GALK2: variants seen among roughly 807,000 people sequenced by gnomAD.
GALK2 encodes galactokinase 2, also known as N-acetylgalactosamine kinase.
In GALK2, 36 loss-of-function variants were observed where a neutral mutation model predicts 52.4. The observed-to-expected ratio is 0.69, with a 90% CI of 0.53 to 0.91. GALK2 has a LOEUF of 0.91. GALK2 is among the 40% of genes least tolerant of loss of function. The pLI is 0.00. For synonymous variants in GALK2, 176 were observed against 199.1 expected, an observed-to-expected ratio of 0.88 and a Z score of 0.98; for missense variants, 579 against 559.1, an observed-to-expected ratio of 1.04 and a Z score of -0.36.
intron 1 of GALK2, among the ~76,000 whole-genome samples, chr15:49,197,270 T>C (rs1418651988): frequency 1.3e-5 from 2 of 152,260 alleles, no homozygotes; most frequent in Non-Finnish European, 2.9e-5. Context: ...GTGTCTAGTA[T>C]TCAGCATAAT....
intron 3 of GALK2, among the ~76,000 whole-genome samples, chr15:49,348,820 C>T (rs750173373): frequency 3.3e-5 from 5 of 152,178 alleles, no homozygotes; most frequent in African/African-American, 4.8e-5. Flanking sequence ...TTTACCCCAG[C>T]CTTTGATATT....
chr15:49,182,767 C>T (rs1268020910), intron 1 of GALK2, among the ~76,000 whole-genome samples: 1 of 152,044 alleles, frequency 6.6e-6, no homozygotes, highest in Non-Finnish European at 1.5e-5. Flanking sequence ...TTTCATATAC[C>T]TGTTTGCCAT....
intron 5 of GALK2, among the ~76,000 whole-genome samples, chr15:49,270,550 GAGCAC>G (rs1263240101): frequency 6.6e-6 from 1 of 152,116 alleles, no homozygotes; most frequent in Non-Finnish European, 1.5e-5. Flanking sequence ...CATAACATTT[GAGCAC>G]AGTGCAGTAA....
chr15:49,346,415 A>G (rs899811460), intron 3 of GALK2, among the ~76,000 whole-genome samples: 1 of 152,036 alleles, frequency 6.6e-6, no homozygotes, highest in Non-Finnish European at 1.5e-5. Context: ...ACCTTTCCCC[A>G]CACCTAAGGC....
intron 1 of GALK2, among the ~76,000 whole-genome samples, chr15:49,176,365 T>A (rs2085457358): frequency 6.6e-6 from 1 of 152,248 alleles, no homozygotes; most frequent in Non-Finnish European, 1.5e-5. Flanking sequence ...CACTAGTAAC[T>A]ACTGCTAATC....
intron 3 of GALK2, among the ~76,000 whole-genome samples, chr15:49,346,020 C>T (rs1030246096): frequency 5.3e-5 from 8 of 151,544 alleles, no homozygotes; most frequent in African/African-American, 1.9e-4. Context: ...GGTCTGCCTG[C>T]CCTGCTTGCT....
intron 3 of GALK2, among the ~76,000 whole-genome samples, chr15:49,362,038 T>G (rs940216075): frequency 1.3e-5 from 2 of 152,216 alleles, no homozygotes; most frequent in African/African-American, 4.8e-5. Flanking sequence ...GTTACGTGTA[T>G]GTCTTCTTTT....
chr15:49,261,131 G>A (rs991431386), intron 5 of GALK2, among the ~76,000 whole-genome samples: 1 of 149,594 alleles, frequency 6.7e-6, no homozygotes, highest in African/African-American at 2.5e-5. Flanking sequence ...GATGGGGATG[G>A]CATTGAATCT....
intron 3 of GALK2, chr15:49,366,134 G>T: frequency 1.0e-6 from 1 of 982,118 alleles, no homozygotes. Flanking sequence ...TCCACCTAAT[G>T]CCACAGTGAA....
chr15:49,273,633 G>A (rs2031139164), intron 5 of GALK2, among the ~76,000 whole-genome samples: 1 of 151,380 alleles, frequency 6.6e-6, no homozygotes, highest in South Asian at 2.1e-4. Context: ...AACAAAGCAA[G>A]TCTGCTTCAG....
intron 9 of GALK2, among the ~76,000 whole-genome samples, chr15:49,326,302 G>T (rs986816516): frequency 1.6e-5 from 2 of 126,566 alleles, no homozygotes; most frequent in African/African-American, 6.0e-5. Flanking sequence ...ACTGTGTCAC[G>T]CAGGCTGGAG....
At chr15:49,351,432 C>T (rs12232354) in intron 3 of GALK2, among the ~76,000 whole-genome samples, 6,146 of 152,208 alleles carry the variant, frequency 0.04, 224 homozygotes, top group East Asian at 0.17. Flanking sequence ...TACCATAGGA[C>T]AATGTTGATT....
intron 3 of GALK2, chr15:49,225,441 C>A (rs2090076323): frequency 3.0e-6 from 1 of 332,860 alleles, no homozygotes; most frequent in African/African-American, 2.2e-5. Flanking sequence ...AGCATGAACC[C>A]TATTGTGGAC....
In GALK2 at chr15:49,162,832, A is replaced by G. The variant is rs1336328942; in HGVS notation, c.20+6816A>G. Among the ~76,000 whole-genome samples, 8 of 152,222 alleles carry G rather than the reference A, an allele frequency of 5.3e-5. No individual in the cohort carries two copies. In the South Asian group the frequency reaches 1.5e-3, roughly 28 times the overall value. On this transcript the variant is annotated intron_variant, in intron 1 of 9. Transcript: ENST00000327171. The stretch of plus-strand genomic sequence containing the variant: ...CCACAAGGAACTGAATGCTGCTAAC[A>G]GCCATGTGCTCTTGGAAGTGAATCC...
At chr15:49,264,180 C>T (rs1312000772) in intron 5 of GALK2, among the ~76,000 whole-genome samples, 3 of 151,680 alleles carry the variant, frequency 2.0e-5, no homozygotes, top group Non-Finnish European at 4.4e-5. Flanking sequence ...AACTTGGTTC[C>T]ATTCTCCCCA....
chr15:49,157,990 G>A lies in GALK2; in HGVS notation c.20+1974G>A, dbSNP rs187621074. Among the ~76,000 whole-genome samples, 648 of 151,856 alleles carry A rather than the reference G, an allele frequency of 4.3e-3. 3 individuals carry two copies. The highest frequency in any genetic ancestry group is 9.8e-3 in the Admixed American group (150 of 15,280). On this transcript the variant is annotated intron_variant, in intron 1 of 9. Transcript: ENST00000327171. ...ATAGTAAAGGACTACAAAAGACCAA[G>A]GGAATAATGAATTTTTTTTTTGTAG...
chr15:49,231,604 A>G (rs1385965602), intron 3 of GALK2, among the ~76,000 whole-genome samples: 1 of 152,236 alleles, frequency 6.6e-6, no homozygotes, highest in East Asian at 1.9e-4. Flanking sequence ...CCTTCTGCCT[A>G]TAAGCCTGTA....
At chr15:49,218,277 G>A (rs774276595) in intron 3 of GALK2, among the ~76,000 whole-genome samples, 1 of 151,996 alleles carries the variant, frequency 6.6e-6, no homozygotes, top group Non-Finnish European at 1.5e-5. Flanking sequence ...AATATATCTT[G>A]TGTGCATTTT....
intron 1 of GALK2, among the ~76,000 whole-genome samples, chr15:49,178,195 C>CTATATATA (rs71120671): frequency 0.031 from 1,568 of 50,350 alleles, 49 homozygotes; most frequent in Admixed American, 0.047. Flanking sequence ...AAAAGAAATA[C>CTATATATA]TATATATATA....
Sources: allele counts gnomAD v4.1 joint callset (sites outside exome capture counted in the v4.1 genomes callset), GRCh38; gene constraint gnomAD v4.1.1; transcripts MANE v1.5; gene names NCBI Gene and HGNC (gene_info 2026-07-23, HGNC 2026-07-21).